The following SMARCAD1 variants were observed in gnomAD, a reference collection of about 807,000 sequenced individuals.
SMARCAD1 encodes SNF2 related chromatin remodeling ATPase with DExD box 1.
Under a neutral mutation model 127.1 loss-of-function variants are expected in SMARCAD1, and 25 were observed. That is an observed-to-expected ratio of 0.20 (90% CI 0.14 to 0.27). The LOEUF (loss-of-function observed/expected upper bound fraction) is 0.27, where lower values mean the gene tolerates loss of function less well. Among genes scored for constraint, SMARCAD1 ranks in the 10% least tolerant of loss-of-function variants. The pLI is 1.00. For synonymous variants in SMARCAD1, 400 were observed against 396.9 expected (o/e 1.01, Z -0.09); for missense variants, 807 against 1,206.0 (o/e 0.67, Z 4.90).
intron 23 of SMARCAD1, among the ~76,000 whole-genome samples, chr4:94,288,675 G>A (rs948356481): frequency 5.3e-5 from 8 of 151,904 alleles, no homozygotes; most frequent in African/African-American, 1.9e-4. Flanking sequence ...GGAGAGAAGT[G>A]GTTAGTTTTG....
rs1217313244 is a variant in SMARCAD1 at position 94,291,292 on chromosome 4, A to G, written c.*1758A>G. 1 of 443,082 alleles carries G rather than the reference A, an allele frequency of 2.3e-6. No homozygotes were observed. Among genetic ancestry groups the G allele is most frequent in the Non-Finnish European group, 4.5e-6 (1 of 224,158 alleles). The allele number at this position is 443,082 out of a possible 1,614,324, so 27.4% of individuals were successfully genotyped here. On this transcript the variant is annotated 3_prime_UTR_variant, in exon 24 of 24. Transcript: ENST00000354268. ...CTTAATAAAAATATTTGTGATCATA[A>G]GTTGTATTTTCACACCCTTTTTAAT...
intron 8 of SMARCAD1, 117 bp downstream of exon 8, chr4:94,250,950 A>G: frequency 1.4e-6 from 1 of 709,188 alleles, no homozygotes; most frequent in African/African-American, 1.8e-5. Context: ...GGGATTGCAA[A>G]AGATGTTGAA....
intron 3 of SMARCAD1, among the ~76,000 whole-genome samples, chr4:94,230,532 C>T (rs74466566): frequency 0.14 from 21,889 of 151,988 alleles, 1,808 homozygotes; most frequent in Non-Finnish European, 0.19. Flanking sequence ...ACATTTGGAG[C>T]CAGATAATTC....
At chr4:94,237,956 G>A (rs997258295) in intron 5 of SMARCAD1, among the ~76,000 whole-genome samples, 2 of 152,040 alleles carry the variant, frequency 1.3e-5, no homozygotes, top group Non-Finnish European at 2.9e-5. Flanking sequence ...TTTGTTAAAG[G>A]TTATGCCAGT....
At chr4:94,250,921 T>C (rs952780940) in intron 8 of SMARCAD1, 88 bp downstream of exon 8, 2 of 1,027,356 alleles carry the variant, frequency 1.9e-6, no homozygotes, top group African/African-American at 3.2e-5. Flanking sequence ...GAAAAGCTAT[T>C]AGCTGTTAAT....
intron 10 of SMARCAD1, among the ~76,000 whole-genome samples, chr4:94,265,344 C>T (rs1253149559): frequency 6.6e-6 from 1 of 151,744 alleles, no homozygotes; most frequent in South Asian, 2.1e-4. Context: ...ATATCCCATA[C>T]TGTGATGAAA....
chr4:94,289,345 G>A (rs1755397688), intron 23 of SMARCAD1, 128 bp from the exon 24 acceptor site: 5 of 782,488 alleles, frequency 6.4e-6, no homozygotes, highest in Non-Finnish European at 1.1e-5. Context: ...ACAGGGGTGA[G>A]TGACACTGAA....
In SMARCAD1 at chr4:94,290,324, C is replaced by T. The variant is rs1169039378; in HGVS notation, c.*790C>T. 1 of 454,482 alleles carries T rather than the reference C, an allele frequency of 2.2e-6. No homozygotes were observed. Among genetic ancestry groups the T allele is most frequent in the Non-Finnish European group, 4.4e-6 (1 of 226,760 alleles). 28.2% of individuals were successfully genotyped at this position (454,482 alleles called of 1,614,324 possible). A position where few individuals can be genotyped will look rare whatever the true frequency, so the allele number is the denominator to read the frequency against. On this transcript the variant is annotated 3_prime_UTR_variant, in exon 24 of 24. Transcript: ENST00000354268. The stretch of plus-strand genomic sequence containing the variant: ...CTCCCGGCTTTTGCTTCTCTTGAAA[C>T]TGTTGCCCAGTCACTTCTGCTCCAA...
chr4:94,208,448 G>C lies in SMARCAD1; in HGVS notation c.54G>C (p.Glu18Asp). 1 of 1,614,060 alleles carries C rather than the reference G, an allele frequency of 6.2e-7. No individual in the cohort carries two copies. Among genetic ancestry groups the C allele is most frequent in the South Asian group, 1.1e-5 (1 of 91,066 alleles). Residue 18 changes from glutamate (E) to aspartate (D), a missense_variant, in exon 2 of 24, where the codon GAG (glutamate) becomes GAC (aspartate). By Grantham distance (45) the Glu-to-Asp change is conservative. Transcript: ENST00000354268. ...GCTTTGAGAAAAGGAATAAGATTGA[G>C]GAAGCGCCCGAAGCAACCCCTCAAC... ...RFRFEKRNKI[E>D]EAPEATPQPS...
intron 3 of SMARCAD1, among the ~76,000 whole-genome samples, chr4:94,230,221 C>G (rs1384332438): frequency 6.6e-6 from 1 of 151,558 alleles, no homozygotes; most frequent in Non-Finnish European, 1.5e-5. Context: ...CTCTTTCTGT[C>G]CCTTCTCCAT....
intron 3 of SMARCAD1, among the ~76,000 whole-genome samples, chr4:94,228,891 A>T (rs1192320688): frequency 6.6e-6 from 1 of 152,170 alleles, no homozygotes; most frequent in Non-Finnish European, 1.5e-5. Context: ...CTTTGAAGAT[A>T]ATAGGCCAGG....
At chr4:94,273,426 T>C (rs934014000) in intron 11 of SMARCAD1, among the ~76,000 whole-genome samples, 191 bp from the exon 12 acceptor site, 5 of 152,224 alleles carry the variant, frequency 3.3e-5, no homozygotes, top group Non-Finnish European at 4.4e-5. Context: ...AAGTAAGTTA[T>C]AGCATCATTT....
chr4:94,245,736 A>G (rs1323081747), intron 6 of SMARCAD1, among the ~76,000 whole-genome samples: 2 of 152,204 alleles, frequency 1.3e-5, no homozygotes, highest in Non-Finnish European at 2.9e-5. Context: ...GTAAAATTGT[A>G]TCATTTTTAT....
intron 8 of SMARCAD1, among the ~76,000 whole-genome samples, chr4:94,252,255 A>G (rs1749389813): frequency 6.6e-6 from 1 of 152,232 alleles, no homozygotes; most frequent in Admixed American, 6.5e-5. Context: ...TAAGCTTTAT[A>G]GTAGTGTAAG....
chr4:94,255,168 T>G (rs1194652360), intron 9 of SMARCAD1, among the ~76,000 whole-genome samples: 1 of 152,074 alleles, frequency 6.6e-6, no homozygotes, highest in Non-Finnish European at 1.5e-5. Flanking sequence ...CATATTTTAA[T>G]GAAAATTACA....
chr4:94,254,139 T>C (rs935955176), intron 9 of SMARCAD1, among the ~76,000 whole-genome samples: 4 of 152,170 alleles, frequency 2.6e-5, no homozygotes, highest in Admixed American at 6.5e-5. Context: ...TAATATTCCA[T>C]AGCTTTAAAA....
intron 9 of SMARCAD1, among the ~76,000 whole-genome samples, chr4:94,261,103 T>C (rs1258512087): frequency 6.6e-6 from 1 of 152,108 alleles, no homozygotes. Context: ...AACACAGCTT[T>C]TGAAAATATT....
At position 94,239,726 on chromosome 4, in the gene SMARCAD1, C is replaced by A. The variant is rs548474112; in HGVS notation, c.605-1180C>A. Among the ~76,000 whole-genome samples the A allele has an allele frequency of 3.3e-5, 5 of 152,126 alleles. No homozygotes were observed. In the East Asian group the frequency reaches 9.7e-4, roughly 29 times the overall value. On this transcript the variant is annotated intron_variant, in intron 5 of 23. Transcript: ENST00000354268. ...TAGCTGGGACTACAGGCATGCACCA[C>A]CACGCCTAGCTAATTTTTGTAGTTT...
intron 2 of SMARCAD1, among the ~76,000 whole-genome samples, chr4:94,210,323 A>G (rs1219862789): frequency 6.6e-6 from 1 of 152,236 alleles, no homozygotes; most frequent in Non-Finnish European, 1.5e-5. Context: ...CTTTGCTTTA[A>G]TAAAAGATTG....
Sources: allele counts gnomAD v4.1 joint callset (sites outside exome capture counted in the v4.1 genomes callset), GRCh38; gene constraint gnomAD v4.1.1; transcripts MANE v1.5; gene names NCBI Gene and HGNC (gene_info 2026-07-23, HGNC 2026-07-21).